KAZN: variants seen among roughly 807,000 people sequenced by gnomAD.
The protein encoded by KAZN is kazrin.
KAZN carries 40 observed loss-of-function variants against 87.4 expected under a neutral mutation model. The ratio of observed to expected loss-of-function variants is 0.46; its 90% CI spans 0.36 to 0.60. The LOEUF (loss-of-function observed/expected upper bound fraction) is 0.60. Among genes scored for constraint, KAZN ranks in the 20% least tolerant of loss-of-function variants. The pLI, the probability that KAZN is intolerant of heterozygous loss-of-function variation, is 0.00. For missense variants in KAZN, 898 were observed against 1,073.9 expected (o/e 0.84, Z 2.29); for synonymous variants, 466 against 458.3 (o/e 1.02, Z -0.22).
chr1:15,088,553 G>A (rs889986068), intron 8 of KAZN, among the ~76,000 whole-genome samples: 3 of 152,258 alleles, frequency 2.0e-5, no homozygotes, highest in South Asian at 4.2e-4. Context: ...CAGCCCCTCC[G>A]CTGAGCAGCC....
chr1:13,986,370 A>G (rs1316580851), intron 1 of KAZN, among the ~76,000 whole-genome samples: 2 of 152,202 alleles, frequency 1.3e-5, no homozygotes, highest in African/African-American at 4.8e-5. Flanking sequence ...CACATTCCTT[A>G]ACTTGCTGCA....
intron 1 of KAZN, among the ~76,000 whole-genome samples, chr1:14,146,564 A>AAAAG (rs568096793): frequency 0.018 from 2,745 of 149,734 alleles, 87 homozygotes; most frequent in African/African-American, 0.063. Flanking sequence ...AAAAGAAAAG[A>AAAAG]AAAGAAAGAA....
rs537111235 is a variant in KAZN at position 14,418,389 on chromosome 1, G to A, written c.250-180594G>A. ...ATATGCATAAAGTAGTTTGCACTGT[G>A]CCTGGCACATAGGAAGCACTCAGGA... On this transcript the variant is annotated intron_variant, in intron 2 of 16. Coordinates refer to the KAZN transcript ENST00000636203. Among the ~76,000 whole-genome samples the A allele has an allele frequency of 1.4e-4, 22 of 152,286 alleles. No homozygotes were observed. The South Asian group carries it at 4.6e-3, about 32-fold the overall frequency.
intron 1 of KAZN, among the ~76,000 whole-genome samples, chr1:14,041,983 T>A (rs1641858381): frequency 6.6e-6 from 1 of 152,190 alleles, no homozygotes; most frequent in South Asian, 2.1e-4. Context: ...GCTTTTAGGA[T>A]CTTCTCTATC....
chr1:14,943,355 A>AC (rs954583188), intron 1 of KAZN, among the ~76,000 whole-genome samples: 12 of 151,632 alleles, frequency 7.9e-5, no homozygotes, highest in East Asian at 1.9e-4. Flanking sequence ...CTCAGCAGTC[A>AC]CCCCCCGCCA....
intron 2 of KAZN, among the ~76,000 whole-genome samples, chr1:14,512,200 C>A (rs1377558999): frequency 1.3e-5 from 2 of 152,070 alleles, no homozygotes; most frequent in Non-Finnish European, 2.9e-5. Flanking sequence ...AGGAGTTTGT[C>A]CAGGACATCT....
chr1:14,677,766 A>G (rs1640318329), intron 1 of KAZN, among the ~76,000 whole-genome samples: 1 of 152,188 alleles, frequency 6.6e-6, no homozygotes. Context: ...TGCTAAGTCC[A>G]GAATAGCCAG....
chr1:13,906,958 C>A (rs72639046), intron 1 of KAZN, among the ~76,000 whole-genome samples: 3,550 of 152,254 alleles, frequency 0.023, 61 homozygotes, highest in Non-Finnish European at 0.037. Flanking sequence ...TAAGGCTTCC[C>A]GCCTGTGCAA....
intron 2 of KAZN, among the ~76,000 whole-genome samples, chr1:14,527,998 C>CCTATCTAT (rs200376042): frequency 0.038 from 5,518 of 145,240 alleles, 131 homozygotes; most frequent in Non-Finnish European, 0.043. Flanking sequence ...GGTCTAGAAT[C>CCTATCTAT]CTATCTATCT....
intron 2 of KAZN, among the ~76,000 whole-genome samples, chr1:14,540,803 A>C (rs1344372860): frequency 6.6e-6 from 1 of 152,186 alleles, no homozygotes; most frequent in Non-Finnish European, 1.5e-5. Context: ...AATATGAGTG[A>C]TCTCTACCTT....
intron 1 of KAZN, among the ~76,000 whole-genome samples, chr1:14,622,677 G>A (rs183921105): frequency 0.015 from 1,848 of 119,842 alleles, 37 homozygotes; most frequent in African/African-American, 0.062. Context: ...GTGACAGAGC[G>A]AGACTCCATC....
intron 2 of KAZN, among the ~76,000 whole-genome samples, chr1:14,191,872 G>A (rs1357217071): frequency 2.6e-5 from 4 of 152,040 alleles, no homozygotes; most frequent in African/African-American, 9.7e-5. Flanking sequence ...CAGAATGCTA[G>A]GACTCCCTCC....
At chr1:14,069,320 G>A (rs970238260) in intron 1 of KAZN, among the ~76,000 whole-genome samples, 3 of 152,180 alleles carry the variant, frequency 2.0e-5, no homozygotes, top group African/African-American at 7.2e-5. Flanking sequence ...AGGGTTCCAC[G>A]TGAAAAGTGC....
At chr1:14,064,797 T>G (rs1642943360) in intron 1 of KAZN, among the ~76,000 whole-genome samples, 1 of 152,098 alleles carries the variant, frequency 6.6e-6, no homozygotes, top group African/African-American at 2.4e-5. Context: ...CCCTCCCCGC[T>G]GCTCGGTGGT....
rs1004837124 is a variant in KAZN at position 14,077,571 on chromosome 1, T to C, written c.92-102864T>C. On this transcript the variant is annotated intron_variant, in intron 1 of 16. Coordinates refer to the KAZN transcript ENST00000636203. ...TCAGACCTGGAAGATGGACCTTGTA[T>C]TGATTCCTTCAGGCTCTGCGGTGAT... is the stretch of plus-strand genomic sequence containing the variant. 2.6e-5 allele frequency among the ~76,000 whole-genome samples: 4 copies of C among 152,232 alleles called. No homozygotes were observed. The South Asian group carries it at 8.3e-4, about 32-fold the overall frequency.
intron 2 of KAZN, among the ~76,000 whole-genome samples, chr1:14,314,560 T>A (rs112112681): frequency 0.024 from 3,641 of 152,262 alleles, 152 homozygotes; most frequent in African/African-American, 0.083. Context: ...GCTCCATTCG[T>A]GAGGCTTCTT....
chr1:15,054,651 C>CAAA (rs1228132414), intron 4 of KAZN, among the ~76,000 whole-genome samples: 1 of 114,986 alleles, frequency 8.7e-6, no homozygotes, highest in Non-Finnish European at 1.9e-5. Flanking sequence ...GACTCCATCT[C>CAAA]AAAAAAAAAA....
chr1:14,186,982 C>A (rs1046365718), intron 2 of KAZN, among the ~76,000 whole-genome samples: 1 of 152,106 alleles, frequency 6.6e-6, no homozygotes, highest in African/African-American at 2.4e-5. Flanking sequence ...CGGAGAAGGA[C>A]CTAGCTGATA....
At chr1:14,418,245 T>A (rs1007067826) in intron 2 of KAZN, among the ~76,000 whole-genome samples, 1 of 152,104 alleles carries the variant, frequency 6.6e-6, no homozygotes, top group Admixed American at 6.5e-5. Flanking sequence ...TTCAGATTTT[T>A]AACTCCACAA....
Sources: allele counts gnomAD v4.1 joint callset (sites outside exome capture counted in the v4.1 genomes callset), GRCh38; gene constraint gnomAD v4.1.1; transcripts MANE v1.5; gene names NCBI Gene and HGNC (gene_info 2026-07-23, HGNC 2026-07-21).